Variants in MAMDC2 observed in about 807,000 individuals in gnomAD.
The protein encoded by MAMDC2 is MAM domain-containing protein 2.
In MAMDC2, 57 loss-of-function variants were observed where a neutral mutation model predicts 89.8. The ratio of observed to expected loss-of-function variants is 0.63; its 90% CI spans 0.51 to 0.79. The LOEUF is 0.79. Ranked by LOEUF, MAMDC2 falls within the 30% of genes least tolerant of loss-of-function variation. The probability of loss-of-function intolerance (pLI) is 0.00; values close to 1 mark genes in which losing one functional copy is unlikely to be tolerated. For missense variants in MAMDC2, 800 were observed against 820.6 expected, an observed-to-expected ratio of 0.97 and a Z score of 0.31; for synonymous variants, 313 against 293.4, an observed-to-expected ratio of 1.07 and a Z score of -0.68.
chr9:70,217,547 C>T (rs990972043), intron 11 of MAMDC2: 1 of 1,587,684 alleles, frequency 6.3e-7, no homozygotes, highest in Non-Finnish European at 8.6e-7. Context: ...GCAAAAAAGG[C>T]TAAGCAAGCA....
chr9:70,193,006 T>A (rs1401050513), intron 11 of MAMDC2, among the ~76,000 whole-genome samples: 1 of 151,980 alleles, frequency 6.6e-6, no homozygotes, highest in Non-Finnish European at 1.5e-5. Flanking sequence ...TTGAGGGTGA[T>A]CAGATATTGA....
intron 11 of MAMDC2, among the ~76,000 whole-genome samples, chr9:70,209,203 T>C (rs1286941699): frequency 2.0e-5 from 3 of 152,240 alleles, no homozygotes; most frequent in Non-Finnish European, 4.4e-5. Flanking sequence ...TCAGAAGGAA[T>C]TGTACCAGCT....
intron 11 of MAMDC2, among the ~76,000 whole-genome samples, chr9:70,203,613 A>G (rs1300794760): frequency 4.6e-5 from 3 of 65,884 alleles, no homozygotes; most frequent in African/African-American, 1.4e-4. Context: ...GCCTTGCTAG[A>G]TTGGGGAAGT....
intron 7 of MAMDC2, among the ~76,000 whole-genome samples, chr9:70,133,694 T>C (rs542261949): frequency 6.6e-6 from 1 of 152,352 alleles, no homozygotes; most frequent in South Asian, 2.1e-4. Context: ...TCCACATCTA[T>C]AGCAAAGACG....
At chr9:70,217,967 C>G (rs1287721855) in intron 11 of MAMDC2, among the ~76,000 whole-genome samples, 2 of 152,190 alleles carry the variant, frequency 1.3e-5, no homozygotes, top group Non-Finnish European at 2.9e-5. Context: ...CCAGATCTAC[C>G]TGACTACAAA....
chr9:70,108,186 T>C, intron 2 of MAMDC2, 25 bp from the exon 3 acceptor site: 1 of 1,511,770 alleles, frequency 6.6e-7, no homozygotes, highest in Non-Finnish European at 8.8e-7. Context: ...ATTGATCCTT[T>C]TCCTATGTTC....
intron 10 of MAMDC2, 150 bp from the exon 11 acceptor site, chr9:70,170,329 T>A: frequency 1.5e-6 from 1 of 684,876 alleles, no homozygotes; most frequent in Non-Finnish European, 2.3e-6. Context: ...CTGGAAGCAG[T>A]GGCTCCGTGT....
chr9:70,194,153 C>T (rs893668264), intron 11 of MAMDC2: 13 of 152,092 alleles, frequency 8.5e-5, no homozygotes, highest in Non-Finnish European at 1.3e-4. Flanking sequence ...AAAGACCAAA[C>T]AATGAGCTGC....
At chr9:70,198,410 A>C (rs2033021378) in intron 11 of MAMDC2, among the ~76,000 whole-genome samples, 1 of 152,038 alleles carries the variant, frequency 6.6e-6, no homozygotes. Context: ...CATTTATATG[A>C]TACTATGCTG....
In MAMDC2 at chr9:70,070,007, G is replaced by A. The variant is rs1025135242; in HGVS notation, c.148+25310G>A. The stretch of plus-strand genomic sequence containing the variant: ...CTCAGGGGGAGGTGTTTGCAAAAGG[G>A]ATGAGCTGAACTTTGGAAATAGCGT... On this transcript the variant is annotated intron_variant, in intron 2 of 13. Coordinates refer to ENST00000377182, the MANE Select transcript of MAMDC2 (RefSeq NM_153267.5). Among the ~76,000 whole-genome samples the A allele has an allele frequency of 6.6e-4, 101 of 152,206 alleles. 1 individual carries two copies. The highest frequency in any genetic ancestry group is 3.4e-4 in the Non-Finnish European group (23 of 68,042).
At chr9:70,217,060 C>A (rs769526309) in intron 11 of MAMDC2, 14 of 455,578 alleles carry the variant, frequency 3.1e-5, no homozygotes, top group Middle Eastern at 6.2e-4. Context: ...GCCGATTAAT[C>A]CTGTTTCTGC....
At chr9:70,188,776 T>TTTTTTA (rs2032817115) in intron 11 of MAMDC2, 1 of 146,144 alleles carries the variant, frequency 6.8e-6, no homozygotes, top group African/African-American at 2.5e-5. Context: ...TTTTTTTTTT[T>TTTTTTA]TTTTTTTTAG....
chr9:70,089,581 G>C (rs1268624577), intron 2 of MAMDC2, among the ~76,000 whole-genome samples: 2 of 152,116 alleles, frequency 1.3e-5, no homozygotes, highest in African/African-American at 2.4e-5. Context: ...GGAGGGGAGT[G>C]GGGACTCTGG....
At chr9:70,106,375 T>C (rs547008847) in intron 2 of MAMDC2, among the ~76,000 whole-genome samples, 8 of 152,202 alleles carry the variant, frequency 5.3e-5, no homozygotes, top group Non-Finnish European at 1.2e-4. Context: ...AACTCTCTAC[T>C]TCTTCGGAAA....
Position 70,088,046 on chromosome 9 carries a change from G to A in MAMDC2, c.149-20165G>A, listed in dbSNP as rs140024051. 3.3e-5 allele frequency among the ~76,000 whole-genome samples: 5 copies of A among 152,248 alleles called. No homozygotes were observed. In the East Asian group the frequency reaches 9.6e-4, roughly 29 times the overall value. On this transcript the variant is annotated intron_variant, in intron 2 of 13. Transcript: ENST00000377182. ...TCTAGAAGTCTTGACACACTTTAGA[G>A]TGTTCAGTTGGGAAAGTAAAATAAG...
At chr9:70,083,583 G>C (rs1393088604) in intron 2 of MAMDC2, 1 of 152,056 alleles carries the variant, frequency 6.6e-6, no homozygotes, top group Non-Finnish European at 1.5e-5. Flanking sequence ...CTGAAGAGAA[G>C]GATGGCACTT....
chr9:70,061,054 A>G (rs1827139586), intron 2 of MAMDC2, among the ~76,000 whole-genome samples: 1 of 152,192 alleles, frequency 6.6e-6, no homozygotes, highest in Non-Finnish European at 1.5e-5. Flanking sequence ...CCTTATGCAA[A>G]TGCACAGTGT....
intron 11 of MAMDC2, among the ~76,000 whole-genome samples, chr9:70,206,079 A>G (rs2033218422): frequency 6.6e-6 from 1 of 152,328 alleles, no homozygotes; most frequent in Admixed American, 6.5e-5. Flanking sequence ...ATGTTTAGGT[A>G]AGATGTTTGT....
chr9:70,071,569 C>A (rs959347299), intron 2 of MAMDC2: 22 of 152,106 alleles, frequency 1.4e-4, no homozygotes, highest in African/African-American at 3.6e-4. Flanking sequence ...GTTTTGTGAA[C>A]CTTAATATTC....
Sources: gnomAD v4.1 joint callset for allele counts (sites outside exome capture counted in the v4.1 genomes callset) on GRCh38, gnomAD v4.1.1 for gene constraint, MANE v1.5 for transcripts, NCBI Gene and HGNC (gene_info 2026-07-23, HGNC 2026-07-21) for gene names.